ALPK2: variants seen among roughly 807,000 people sequenced by gnomAD.
ALPK2 encodes alpha-protein kinase 2.
In ALPK2, 127 loss-of-function variants were observed where a neutral mutation model predicts 163.1. The ratio of observed to expected loss-of-function variants is 0.78; its 90% CI spans 0.67 to 0.90. The LOEUF (loss-of-function observed/expected upper bound fraction) is 0.90, where lower values mean the gene tolerates loss of function less well. ALPK2 is among the 40% of genes least tolerant of loss of function. ALPK2 has a pLI of 0.00. For missense variants in ALPK2, 2,360 were observed against 2,589.6 expected, an observed-to-expected ratio of 0.91 and a Z score of 1.92; for synonymous variants, 953 against 959.1, an observed-to-expected ratio of 0.99 and a Z score of 0.12.
rs756761975 is a variant in ALPK2 at position 58,628,745 on chromosome 18, C to T, written c.-21+19G>A. 3 of 152,262 alleles carry T rather than the reference C, an allele frequency of 2.0e-5. No individual in the cohort carries two copies. Among genetic ancestry groups the T allele is most frequent in the South Asian group, 4.1e-4 (2 of 4,828 alleles). The allele number at this position is 152,262 out of a possible 1,614,324, so 9.4% of individuals were successfully genotyped here. ...AGCACAGCCATTCCTTATGTAAAAA[C>T]CAAAGTCTACATACTTACTTTTCAG... On this transcript the variant is annotated intron_variant, in intron 1 of 12. Transcript: ENST00000361673.
Position 58,538,712 on chromosome 18 carries a change from C to T in ALPK2, c.1963-488G>A, listed in dbSNP as rs1420584265. 2.6e-5 allele frequency among the ~76,000 whole-genome samples: 4 copies of T among 152,086 alleles called. No individual in the cohort carries two copies. In the East Asian group the frequency reaches 7.7e-4, roughly 29 times the overall value. ...AATTGCTATGGTTTGGATATTTGCC[C>T]CCTCCAAACCTCATGTTGAAATTTG... On this transcript the variant is annotated intron_variant, in intron 4 of 12. Coordinates refer to ENST00000361673, the MANE Select transcript of ALPK2 (RefSeq NM_052947.4).
Position 58,537,155 on chromosome 18 carries a change from ACAGTTGATGTGTCCT to A in ALPK2, c.3017_3031del (p.Glu1006_Thr1010del), listed in dbSNP as rs67925233. On this transcript the variant is annotated inframe_deletion, in exon 5 of 13. Transcript: ENST00000361673. ...TGGGTGGACTTCGGTGGCAATGGTA[ACAGTTGATGTGTCCT>A]CAGTCTCCCTGGTCGCTTGAAAGCA... 841,837 of 1,613,150 alleles carry A rather than the reference ACAGTTGATGTGTCCT, an allele frequency of 0.52. 224,417 individuals are homozygous for A. Among genetic ancestry groups the A allele is most frequent in the Non-Finnish European group, 0.56 (656,110 of 1,179,294 alleles).
intron 4 of ALPK2, among the ~76,000 whole-genome samples, chr18:58,566,250 T>C (rs1240592262): frequency 6.6e-6 from 1 of 152,214 alleles, no homozygotes; most frequent in African/African-American, 2.4e-5. Context: ...GGTGGCTAAT[T>C]GTGTCAGCAT....
At chr18:58,526,958 C>A (rs1473834964) in intron 6 of ALPK2, among the ~76,000 whole-genome samples, 1 of 152,192 alleles carries the variant, frequency 6.6e-6, no homozygotes, top group Admixed American at 6.5e-5. Context: ...GGTTTCTGTG[C>A]AGTAGAAAAG....
At chr18:58,554,988 C>T (rs1479947133) in intron 4 of ALPK2, among the ~76,000 whole-genome samples, 1 of 152,176 alleles carries the variant, frequency 6.6e-6, no homozygotes, top group African/African-American at 2.4e-5. Flanking sequence ...TGGCTTTGCT[C>T]CTCCTTCGCC....
rs2051638416 is a variant in ALPK2, at chr18:58,535,335, C to T, written c.4852G>A (p.Val1618Ile). 1 of 1,614,030 alleles carries T rather than the reference C, an allele frequency of 6.2e-7. No individual in the cohort carries two copies. The highest frequency in any genetic ancestry group is 1.3e-5 in the African/African-American group (1 of 74,922). ...TTGTGGCTTATCAAAAAGTCTGTGA[C>T]ATTTCCTTCAGGAGATGAAGTACAA... ...FPCTSSPEGN[V>I]TDFLISHKME... The change falls in exon 5 of 13, where the codon GTC (valine) becomes ATC (isoleucine). Residue 1618 changes from valine (V) to isoleucine (I), a missense_variant. Physicochemically the swap from Val to Ile is conservative, Grantham distance 29. Coordinates refer to ENST00000361673, the MANE Select transcript of ALPK2 (RefSeq NM_052947.4).
At chr18:58,539,977 A>G (rs1253560613) in intron 4 of ALPK2, among the ~76,000 whole-genome samples, 1 of 152,220 alleles carries the variant, frequency 6.6e-6, no homozygotes, top group Non-Finnish European at 1.5e-5. Flanking sequence ...ACTAAACAAG[A>G]AAGAAATTTA....
At chr18:58,538,526 A>C in intron 4 of ALPK2, 1 of 335,098 alleles carries the variant, frequency 3.0e-6, no homozygotes, top group Non-Finnish European at 5.5e-6. Flanking sequence ...ATGGAAATAA[A>C]TCGAATGTTA....
At chr18:58,543,161 A>AT (rs1446406427) in intron 4 of ALPK2, among the ~76,000 whole-genome samples, 1 of 152,166 alleles carries the variant, frequency 6.6e-6, no homozygotes, top group Non-Finnish European at 1.5e-5. Context: ...TCGCCATGTG[A>AT]TGCCCTGCTC....
rs1248866502 is a variant in ALPK2, at chr18:58,512,132, C to G, written c.6029+2861G>C. The G allele has an allele frequency of 2.6e-5, 4 of 152,328 alleles. No homozygotes were observed. In the East Asian group the frequency reaches 7.7e-4, roughly 29 times the overall value. 9.4% of individuals were successfully genotyped at this position (152,328 alleles called of 1,614,324 possible). ...GTCACTTCTGCAGGATCCAGGGCAC[C>G]CTGATTCCCTCCTGAGGACCGACCC... is the stretch of plus-strand genomic sequence containing the variant. On this transcript the variant is annotated intron_variant, in intron 10 of 12. Transcript: ENST00000361673.
At chr18:58,541,696 T>C (rs768676774) in intron 4 of ALPK2, among the ~76,000 whole-genome samples, 1 of 152,232 alleles carries the variant, frequency 6.6e-6, no homozygotes, top group Non-Finnish European at 1.5e-5. Flanking sequence ...GGAAGTTACG[T>C]TGAAGCAACA....
intron 4 of ALPK2, among the ~76,000 whole-genome samples, chr18:58,560,575 G>A (rs2051820738): frequency 6.6e-6 from 1 of 152,088 alleles, no homozygotes; most frequent in Non-Finnish European, 1.5e-5. Context: ...GGACCACCTG[G>A]GTCAAAGATA....
rs2051948048 is a variant in ALPK2 at position 58,579,966 on chromosome 18, A to G, written c.810T>C (p.Ile270=). The change falls in exon 4 of 13, where the codon ATT becomes ATC. Residue 270 remains isoleucine, a synonymous_variant. Coordinates refer to ENST00000361673, the MANE Select transcript of ALPK2 (RefSeq NM_052947.4). Reference sequence around the variant, plus strand: ...CCTCAGATAGCGGGAGGCTGAAGCTAATGTATTTCTGTACTTTGGGATTTT... The same window carrying G: ...CCTCAGATAGCGGGAGGCTGAAGCTGATGTATTTCTGTACTTTGGGATTTT... ...SQQNPKVQKY[I]SFSLPLSEAT... is the part of the protein sequence containing the mutation. The G allele has an allele frequency of 6.2e-7, 1 of 1,614,160 alleles. No homozygotes were observed. The highest frequency in any genetic ancestry group is 8.5e-7 in the Non-Finnish European group (1 of 1,180,018).
Position 58,588,794 on chromosome 18 carries a change from C to T in ALPK2, c.228-8246G>A, listed in dbSNP as rs1488979655. On this transcript the variant is annotated intron_variant, in intron 3 of 12. Transcript: ENST00000361673. ...TCCTTTTTATGGCTGTGTAGTATTC[C>T]GTGGTGTATATGTACCACATTTACT... is the stretch of plus-strand genomic sequence containing the variant. Among the ~76,000 whole-genome samples the T allele has an allele frequency of 5.9e-5, 9 of 152,222 alleles. 2 individuals are homozygous for T. The highest frequency in any genetic ancestry group is 6.5e-5 in the Admixed American group (1 of 15,302).
intron 4 of ALPK2, among the ~76,000 whole-genome samples, chr18:58,577,508 T>C (rs192049521): frequency 1.3e-5 from 2 of 152,328 alleles, no homozygotes; most frequent in African/African-American, 4.8e-5. Context: ...ATGAAAAAAT[T>C]AACATTGTCA....
chr18:58,612,291 G>A (rs757041097), intron 1 of ALPK2, among the ~76,000 whole-genome samples: 2 of 152,064 alleles, frequency 1.3e-5, no homozygotes, highest in Non-Finnish European at 2.9e-5. Context: ...TTTTCACACT[G>A]TGCTCAAAAA....
intron 4 of ALPK2, among the ~76,000 whole-genome samples, chr18:58,554,612 G>A (rs181335519): frequency 1.1e-4 from 16 of 152,298 alleles, no homozygotes; most frequent in African/African-American, 3.1e-4. Context: ...TAGGATCCCC[G>A]AGATCAGTGT....
At chr18:58,557,957 A>G (rs1268143107) in intron 4 of ALPK2, among the ~76,000 whole-genome samples, 7 of 152,216 alleles carry the variant, frequency 4.6e-5, no homozygotes, top group South Asian at 2.1e-4. Context: ...TCTAAAATAT[A>G]TAAAAATAAT....
In ALPK2 at chr18:58,537,264, G is replaced by C; in HGVS notation, c.2923C>G (p.Pro975Ala). ...CTCACAATTGAACTATAACTGGCTG[G>C]TGTGGCTGTGGTGTCTGCGGCACTA... Reference protein sequence around the residue: ...SPSAADTTATPASYSSIVSFP... With the variant: ...SPSAADTTATAASYSSIVSFP... The change falls in exon 5 of 13, where the codon CCA becomes GCA. Residue 975 changes from proline to alanine, a missense_variant. By Grantham distance (27) the Pro-to-Ala change is conservative. Transcript: ENST00000361673. The C allele has an allele frequency of 6.2e-7, 1 of 1,614,162 alleles. No individual in the cohort carries two copies.
Sources: allele counts gnomAD v4.1 joint callset (sites outside exome capture counted in the v4.1 genomes callset), GRCh38; gene constraint gnomAD v4.1.1; transcripts MANE v1.5; gene names NCBI Gene and HGNC (gene_info 2026-07-23, HGNC 2026-07-21).